The following CACNG2 variants were observed in gnomAD, a reference collection of about 807,000 sequenced individuals.
CACNG2 encodes the protein voltage-dependent calcium channel gamma-2 subunit.
Under a neutral mutation model 25.9 loss-of-function variants are expected in CACNG2, and 3 were observed. The ratio of observed to expected loss-of-function variants is 0.12; its 90% confidence interval spans 0.05 to 0.30. The LOEUF is 0.30. CACNG2 is among the 10% of genes least tolerant of loss of function. The probability of loss-of-function intolerance (pLI) is 1.00; values close to 1 mark genes in which losing one functional copy is unlikely to be tolerated. For missense variants in CACNG2, 341 were observed against 432.5 expected (o/e 0.79, Z 1.88); for synonymous variants, 167 against 173.3 (o/e 0.96, Z 0.29).
intron 1 of CACNG2, among the ~76,000 whole-genome samples, chr22:36,619,603 A>G (rs1319395750): frequency 6.6e-6 from 1 of 152,238 alleles, no homozygotes; most frequent in Admixed American, 6.5e-5. Context: ...ATTTGACATC[A>G]GTTGACAGTA....
At chr22:36,684,529 T>A (rs1329582371) in intron 1 of CACNG2, among the ~76,000 whole-genome samples, 2 of 149,530 alleles carry the variant, frequency 1.3e-5, no homozygotes, top group African/African-American at 4.9e-5. Flanking sequence ...GGTAGGAGGA[T>A]CACTTGAGCC....
At chr22:36,684,815 G>A (rs1937174756) in intron 1 of CACNG2, among the ~76,000 whole-genome samples, 1 of 152,146 alleles carries the variant, frequency 6.6e-6, no homozygotes, top group Admixed American at 6.5e-5. Context: ...ACAGGAAACA[G>A]TGGTTCAGAG....
At chr22:36,581,285 C>T (rs1260758223) in intron 2 of CACNG2, among the ~76,000 whole-genome samples, 1 of 152,144 alleles carries the variant, frequency 6.6e-6, no homozygotes, top group African/African-American at 2.4e-5. Flanking sequence ...GTTTCTCTAT[C>T]AGTGTGGTTC....
intron 1 of CACNG2, among the ~76,000 whole-genome samples, chr22:36,617,772 C>T (rs4821513): frequency 0.71 from 105,752 of 149,950 alleles, 37,716 homozygotes; most frequent in East Asian, 0.82. Context: ...GCTTAACTTC[C>T]CTGAGCCTGT....
intron 1 of CACNG2, among the ~76,000 whole-genome samples, chr22:36,604,631 C>T (rs890595975): frequency 2.0e-5 from 3 of 152,146 alleles, no homozygotes; most frequent in African/African-American, 7.2e-5. Context: ...CGAGGCAAGA[C>T]CCTCCATCAG....
At chr22:36,636,190 C>T (rs1237215992) in intron 1 of CACNG2, among the ~76,000 whole-genome samples, 1 of 152,188 alleles carries the variant, frequency 6.6e-6, no homozygotes, top group Non-Finnish European at 1.5e-5. Flanking sequence ...GCCTCTCTCT[C>T]CATCTTCATC....
chr22:36,679,136 C>A (rs12159518), intron 1 of CACNG2, among the ~76,000 whole-genome samples: 1 of 128,364 alleles, frequency 7.8e-6, no homozygotes, highest in Non-Finnish European at 1.6e-5. Flanking sequence ...TGGATTTTCT[C>A]CCTTCCTTCC....
At chr22:36,690,716 G>T (rs1388420890) in intron 1 of CACNG2, among the ~76,000 whole-genome samples, 2 of 152,210 alleles carry the variant, frequency 1.3e-5, no homozygotes, top group Non-Finnish European at 1.5e-5. Context: ...CAGGCTGTCA[G>T]ATGTGAGCTG....
chr22:36,671,192 C>A (rs1024485998), intron 1 of CACNG2, among the ~76,000 whole-genome samples: 1 of 152,218 alleles, frequency 6.6e-6, no homozygotes, highest in Non-Finnish European at 1.5e-5. Flanking sequence ...GCTGGGATTA[C>A]AGGCGTGAGC....
At chr22:36,608,415 C>A (rs562505433) in intron 1 of CACNG2, among the ~76,000 whole-genome samples, 1 of 152,186 alleles carries the variant, frequency 6.6e-6, no homozygotes, top group Non-Finnish European at 1.5e-5. Context: ...ATTTTCCTAA[C>A]GGAATTGCAT....
At chr22:36,650,120 C>T (rs1415125267) in intron 1 of CACNG2, among the ~76,000 whole-genome samples, 1 of 152,160 alleles carries the variant, frequency 6.6e-6, no homozygotes, top group Non-Finnish European at 1.5e-5. Context: ...TGCCACCAAC[C>T]TCTCTTCACT....
At chr22:36,635,893 C>T (rs1289295800) in intron 1 of CACNG2, among the ~76,000 whole-genome samples, 2 of 152,176 alleles carry the variant, frequency 1.3e-5, no homozygotes, top group Non-Finnish European at 2.9e-5. Flanking sequence ...ACATCCAATC[C>T]GTTAGGTCCT....
intron 1 of CACNG2, among the ~76,000 whole-genome samples, chr22:36,674,567 G>A (rs1936997638): frequency 6.6e-6 from 1 of 152,182 alleles, no homozygotes; most frequent in South Asian, 2.1e-4. Flanking sequence ...GAGCTTAAGC[G>A]ATCCACCTGC....
chr22:36,579,946 C>G (rs1333416894), intron 2 of CACNG2, among the ~76,000 whole-genome samples: 2 of 152,214 alleles, frequency 1.3e-5, no homozygotes, highest in Non-Finnish European at 2.9e-5. Flanking sequence ...TTGTTCTTTG[C>G]GCTCATCGCT....
chr22:36,685,473 G>A (rs1466539862), intron 1 of CACNG2, among the ~76,000 whole-genome samples: 1 of 149,884 alleles, frequency 6.7e-6, no homozygotes, highest in Admixed American at 6.6e-5. Context: ...CTTAGACCTG[G>A]GGTGGCAGCT....
In CACNG2 at chr22:36,661,966, CTTTTTTTTTTTTTTTTTT is replaced by C. The variant is rs71193254; in HGVS notation, c.211+40382_211+40399del. On this transcript the variant is annotated intron_variant, in intron 1 of 3. Transcript: ENST00000300105. ...TGCTTCCTATGGACTCATTGCTATT[CTTTTTTTTTTTTTTTTTT>C]TTTTTTTTTTTTTCAGACGGAGTCT... Among the ~76,000 whole-genome samples the C allele has an allele frequency of 1.3e-4, 6 of 44,540 alleles. 1 individual carries two copies. Among genetic ancestry groups the C allele is most frequent in the Non-Finnish European group, 2.6e-4 (4 of 15,318 alleles). The allele number at this position is 44,540 out of a possible 152,430, so 29.2% of individuals were successfully genotyped here. A position where few individuals can be genotyped will look rare whatever the true frequency, so the allele number is the denominator to read the frequency against.
At chr22:36,618,784 G>T (rs186982444) in intron 1 of CACNG2, among the ~76,000 whole-genome samples, 1 of 152,104 alleles carries the variant, frequency 6.6e-6, no homozygotes, top group Admixed American at 6.5e-5. Flanking sequence ...GCTGGGTGTG[G>T]TGGTGTGTGC....
chr22:36,603,509 C>G (rs6000345), intron 1 of CACNG2, among the ~76,000 whole-genome samples: 6,555 of 152,262 alleles, frequency 0.043, 507 homozygotes, highest in African/African-American at 0.15. Context: ...AAGATGCCAT[C>G]TAGGATTTTC....
intron 1 of CACNG2, among the ~76,000 whole-genome samples, chr22:36,658,618 G>T (rs74916398): frequency 9.2e-5 from 14 of 152,100 alleles, no homozygotes; most frequent in Non-Finnish European, 1.9e-4. Flanking sequence ...AATTCCTTCC[G>T]TCCTTTATTC....
Sources: allele counts gnomAD v4.1 joint callset (sites outside exome capture counted in the v4.1 genomes callset), GRCh38; gene constraint gnomAD v4.1.1; transcripts MANE v1.5; gene names NCBI Gene and HGNC (gene_info 2026-07-23, HGNC 2026-07-21).